CTIF: variants seen among roughly 807,000 people sequenced by gnomAD.
CTIF encodes the protein CBP80/20-dependent translation initiation factor.
Under a neutral mutation model 66.0 loss-of-function variants are expected in CTIF, and 21 were observed. That is an observed-to-expected ratio of 0.32 (90% CI 0.23 to 0.46). The LOEUF (loss-of-function observed/expected upper bound fraction) is 0.46, where lower values mean the gene tolerates loss of function less well. Among genes scored for constraint, CTIF ranks in the 20% least tolerant of loss-of-function variants. The probability of loss-of-function intolerance (pLI) is 1.00; values close to 1 mark genes in which losing one functional copy is unlikely to be tolerated. For missense variants in CTIF, 739 were observed against 812.7 expected, an observed-to-expected ratio of 0.91 and a Z score of 1.10; for synonymous variants, 345 against 326.4, an observed-to-expected ratio of 1.06 and a Z score of -0.62.
At chr18:48,807,569 T>C (rs1350238718) in intron 9 of CTIF, among the ~76,000 whole-genome samples, 1 of 102,578 alleles carries the variant, frequency 9.7e-6, no homozygotes, top group Non-Finnish European at 2.0e-5. Context: ...TCATAAACTT[T>C]TTGTTGTTGT....
At chr18:48,675,565 C>T (rs2091614558) in intron 6 of CTIF, among the ~76,000 whole-genome samples, 1 of 152,218 alleles carries the variant, frequency 6.6e-6, no homozygotes, top group South Asian at 2.1e-4. Flanking sequence ...AAAATGACCC[C>T]ACTCAATGCC....
intron 9 of CTIF, among the ~76,000 whole-genome samples, chr18:48,793,726 T>A (rs375771442): frequency 2.6e-5 from 4 of 152,138 alleles, no homozygotes; most frequent in African/African-American, 9.7e-5. Flanking sequence ...CCCAAATACT[T>A]CTTTGAGGCT....
intron 9 of CTIF, among the ~76,000 whole-genome samples, chr18:48,803,941 G>GACC (rs1314068654): frequency 6.6e-6 from 1 of 152,154 alleles, no homozygotes; most frequent in Non-Finnish European, 1.5e-5. Flanking sequence ...GAGAAGGGAG[G>GACC]ACCAGCCCTG....
At chr18:48,775,747 G>C (rs2146002212) in intron 9 of CTIF, among the ~76,000 whole-genome samples, 1 of 152,350 alleles carries the variant, frequency 6.6e-6, no homozygotes, top group African/African-American at 2.4e-5. Flanking sequence ...AAGCATGAAG[G>C]AAGAGGCAGG....
Position 48,584,203 on chromosome 18 carries a change from C to T in CTIF, c.-28-35335C>T, listed in dbSNP as rs117717474. On this transcript the variant is annotated intron_variant, in intron 1 of 11. Transcript: ENST00000256413. Reference sequence around the variant, plus strand: ...ATATTTTTGAGCAGTACACAAGCTGCGCGACTGTATATGATCACCCTTTGA... The same window carrying T: ...ATATTTTTGAGCAGTACACAAGCTGTGCGACTGTATATGATCACCCTTTGA... Among the ~76,000 whole-genome samples, 430 of 152,250 alleles carry T rather than the reference C, an allele frequency of 2.8e-3. 10 individuals carry two copies. The highest frequency in any genetic ancestry group is 0.018 in the South Asian group (88 of 4,812).
At chr18:48,617,512 A>T (rs2090420846) in intron 1 of CTIF, among the ~76,000 whole-genome samples, 1 of 152,214 alleles carries the variant, frequency 6.6e-6, no homozygotes. Flanking sequence ...GCCCAGGATG[A>T]GGAGCAGAGT....
intron 3 of CTIF, among the ~76,000 whole-genome samples, chr18:48,658,220 ATG>A (rs554908004): frequency 3.1e-4 from 46 of 150,516 alleles, no homozygotes; most frequent in East Asian, 1.8e-3. Flanking sequence ...GGGTGTGGAT[ATG>A]TGTGTGTGTG....
intron 6 of CTIF, among the ~76,000 whole-genome samples, chr18:48,682,679 G>C (rs2091766831): frequency 6.6e-6 from 1 of 152,202 alleles, no homozygotes; most frequent in Non-Finnish European, 1.5e-5. Context: ...ACAAAGAATT[G>C]TGCCCTGTTT....
chr18:48,650,983 T>A (rs1049980847), intron 3 of CTIF, among the ~76,000 whole-genome samples: 5 of 151,894 alleles, frequency 3.3e-5, no homozygotes, highest in African/African-American at 4.8e-5. Flanking sequence ...TTACAGGAGC[T>A]CCTGAAGGAA....
At chr18:48,729,833 T>C (rs764113737) in intron 7 of CTIF, among the ~76,000 whole-genome samples, 4 of 152,172 alleles carry the variant, frequency 2.6e-5, no homozygotes, top group Non-Finnish European at 2.9e-5. Flanking sequence ...GGAAATATTT[T>C]GGCAGGCATG....
At chr18:48,782,086 A>G (rs1911288830) in intron 9 of CTIF, among the ~76,000 whole-genome samples, 1 of 151,756 alleles carries the variant, frequency 6.6e-6, no homozygotes, top group Admixed American at 6.6e-5. Flanking sequence ...AGACTTAGGG[A>G]CCCAGAAGTT....
At chr18:48,809,372 C>A (rs1032929927) in intron 9 of CTIF, among the ~76,000 whole-genome samples, 2 of 152,200 alleles carry the variant, frequency 1.3e-5, no homozygotes, top group South Asian at 2.1e-4. Context: ...TTTAATCAAG[C>A]CTATTGAAGT....
chr18:48,573,530 CAAGAT>C (rs1161720917), intron 1 of CTIF, among the ~76,000 whole-genome samples: 12 of 152,186 alleles, frequency 7.9e-5, no homozygotes, highest in African/African-American at 1.9e-4. Flanking sequence ...AGAAATTTAA[CAAGAT>C]AAGTTTCAAA....
intron 10 of CTIF, among the ~76,000 whole-genome samples, chr18:48,847,796 G>A (rs8096534): frequency 0.41 from 62,898 of 152,098 alleles, 15,495 homozygotes; most frequent in African/African-American, 0.69. Context: ...GCCAGGGGCT[G>A]GTCTTAGTGT....
intron 9 of CTIF, among the ~76,000 whole-genome samples, chr18:48,810,204 A>T (rs752669489): frequency 1.3e-5 from 2 of 152,130 alleles, no homozygotes; most frequent in African/African-American, 4.8e-5. Context: ...TACAGCCCAT[A>T]TCAGTCGGGA....
At position 48,814,342 on chromosome 18, in the gene CTIF, C is replaced by T. The variant is rs576038082; in HGVS notation, c.1372-2879C>T. ...TGCCAAAAATTACCAGTGTCTGAGC[C>T]CCACCCTGACCAGTTACACAAGACT... On this transcript the variant is annotated intron_variant, in intron 9 of 11. Coordinates refer to ENST00000256413, the MANE Select transcript of CTIF (RefSeq NM_014772.3). Among the ~76,000 whole-genome samples the T allele has an allele frequency of 5.3e-5, 8 of 152,266 alleles. No individual in the cohort carries two copies. In the East Asian group the frequency reaches 9.6e-4, roughly 18 times the overall value.
At chr18:48,828,445 T>G (rs561665717) in intron 10 of CTIF, among the ~76,000 whole-genome samples, 2 of 152,304 alleles carry the variant, frequency 1.3e-5, no homozygotes, top group Admixed American at 6.5e-5. Context: ...TGGCATTTTT[T>G]CATAGATTGA....
At chr18:48,755,604 G>C (rs1470699623) in intron 7 of CTIF, 1 of 152,276 alleles carries the variant, frequency 6.6e-6, no homozygotes, top group South Asian at 2.1e-4. Flanking sequence ...AGTGAGGAGG[G>C]GGGTGTGTTT....
chr18:48,695,116 G>T (rs767220025), intron 6 of CTIF, among the ~76,000 whole-genome samples: 27 of 152,356 alleles, frequency 1.8e-4, no homozygotes, highest in Non-Finnish European at 3.4e-4. Context: ...GCACAGCACA[G>T]AATTTGGAAG....
Sources: gnomAD v4.1 joint callset for allele counts (sites outside exome capture counted in the v4.1 genomes callset) on GRCh38, gnomAD v4.1.1 for gene constraint, MANE v1.5 for transcripts, NCBI Gene and HGNC (gene_info 2026-07-23, HGNC 2026-07-21) for gene names.